The following ZNF385B variants were observed in gnomAD, a reference collection of about 807,000 sequenced individuals.
ZNF385B encodes zinc finger protein 385B, also known as zinc finger protein 533.
A neutral mutation model predicts 39.2 loss-of-function variants in ZNF385B; 23 were observed. The observed-to-expected ratio is 0.59, with a 90% CI of 0.42 to 0.83. The LOEUF is 0.83. Ranked by LOEUF, ZNF385B falls within the 40% of genes least tolerant of loss-of-function variation. ZNF385B has a pLI of 0.00. For synonymous variants in ZNF385B, 205 were observed against 222.6 expected (o/e 0.92, Z 0.70); for missense variants, 552 against 598.9 (o/e 0.92, Z 0.82).
At chr2:179,851,491 T>C (rs1437727702) in intron 1 of ZNF385B, among the ~76,000 whole-genome samples, 1 of 152,182 alleles carries the variant, frequency 6.6e-6, no homozygotes, top group Non-Finnish European at 1.5e-5. Flanking sequence ...CTATGAGGGC[T>C]GAATCAGGCT....
intron 6 of ZNF385B, among the ~76,000 whole-genome samples, chr2:179,461,744 A>G (rs2051365098): frequency 6.6e-6 from 1 of 152,206 alleles, no homozygotes; most frequent in Non-Finnish European, 1.5e-5. Context: ...ACACTGTAAA[A>G]GTGAAGTGAG....
chr2:179,842,877 G>A (rs142106482), intron 1 of ZNF385B, among the ~76,000 whole-genome samples: 3 of 152,266 alleles, frequency 2.0e-5, no homozygotes, highest in Non-Finnish European at 4.4e-5. Context: ...GCTTGGATTT[G>A]CATTCTTAAA....
chr2:179,563,230 T>G (rs1684145907), intron 3 of ZNF385B, among the ~76,000 whole-genome samples: 1 of 152,220 alleles, frequency 6.6e-6, no homozygotes, highest in Non-Finnish European at 1.5e-5. Context: ...AATTTAACTT[T>G]GCATCTAGTG....
chr2:179,489,143 C>G (rs775514868), intron 5 of ZNF385B, among the ~76,000 whole-genome samples: 9 of 152,152 alleles, frequency 5.9e-5, no homozygotes, highest in Non-Finnish European at 1.2e-4. Context: ...AAGGGCCGGG[C>G]TCCGAAGTGG....
In ZNF385B at chr2:179,714,182, G is replaced by A. The variant is rs77064772; in HGVS notation, c.298+55321C>T. On this transcript the variant is annotated intron_variant, in intron 3 of 9. Transcript: ENST00000410066. ...ATAGGAAGGACCATGGAAAAAGTAA[G>A]GGGCTGGAATAATACCACTACAAAT... Among the ~76,000 whole-genome samples the A allele has an allele frequency of 5.4e-3, 820 of 152,254 alleles. 9 individuals carry two copies. Among genetic ancestry groups the A allele is most frequent in the African/African-American group, 0.019 (783 of 41,548 alleles).
At chr2:179,455,766 C>T (rs1490977610) in intron 6 of ZNF385B, among the ~76,000 whole-genome samples, 5 of 151,768 alleles carry the variant, frequency 3.3e-5, no homozygotes, top group African/African-American at 1.2e-4. Context: ...TTGGCGCATG[C>T]CTGTAATCCC....
At chr2:179,528,918 C>G (rs1245386439) in intron 4 of ZNF385B, among the ~76,000 whole-genome samples, 1 of 152,156 alleles carries the variant, frequency 6.6e-6, no homozygotes, top group Non-Finnish European at 1.5e-5. Context: ...TGTAGTTATG[C>G]TGCTGGGTAA....
chr2:179,833,335 T>C (rs1708080461), intron 1 of ZNF385B, among the ~76,000 whole-genome samples: 1 of 152,100 alleles, frequency 6.6e-6, no homozygotes, highest in Admixed American at 6.5e-5. Flanking sequence ...AAATAAGATG[T>C]GGTAGCTAGA....
Position 179,783,467 on chromosome 2 carries a change from C to G in ZNF385B, c.-154-12795G>C, listed in dbSNP as rs565600257. Reference sequence around the variant, plus strand: ...ACATCAAAAGCAATCACAACAAAAACAAAAATTGCCAAGTGGGATCTAATT... The same window carrying G: ...ACATCAAAAGCAATCACAACAAAAAGAAAAATTGCCAAGTGGGATCTAATT... On this transcript the variant is annotated intron_variant, in intron 1 of 9. Transcript: ENST00000410066. Among the ~76,000 whole-genome samples the G allele has an allele frequency of 3.3e-5, 5 of 152,192 alleles. No homozygotes were observed. The South Asian group carries it at 1.0e-3, about 32-fold the overall frequency.
intron 5 of ZNF385B, among the ~76,000 whole-genome samples, chr2:179,484,032 GA>G (rs1382166055): frequency 6.6e-6 from 1 of 152,054 alleles, no homozygotes; most frequent in Non-Finnish European, 1.5e-5. Flanking sequence ...AAGGAGGTAG[GA>G]AAAAACCCTT....
At chr2:179,563,666 G>T (rs979547279) in intron 3 of ZNF385B, among the ~76,000 whole-genome samples, 2 of 152,066 alleles carry the variant, frequency 1.3e-5, no homozygotes, top group Non-Finnish European at 1.5e-5. Context: ...AATCATCTAA[G>T]TTATGAATAA....
intron 1 of ZNF385B, among the ~76,000 whole-genome samples, chr2:179,857,358 C>G (rs1048245198): frequency 6.6e-6 from 1 of 152,152 alleles, no homozygotes; most frequent in Non-Finnish European, 1.5e-5. Context: ...ACATATATAT[C>G]AGGAAGACAC....
chr2:179,637,608 C>A (rs1037720113), intron 3 of ZNF385B, among the ~76,000 whole-genome samples: 2 of 151,706 alleles, frequency 1.3e-5, no homozygotes, highest in Non-Finnish European at 2.9e-5. Context: ...TTGGGACTTA[C>A]TATTCATCAA....
At chr2:179,656,164 T>C (rs545792290) in intron 3 of ZNF385B, among the ~76,000 whole-genome samples, 17 of 152,300 alleles carry the variant, frequency 1.1e-4, no homozygotes, top group African/African-American at 4.1e-4. Context: ...TTTTCTATAG[T>C]AAGTTTTAAA....
intron 4 of ZNF385B, among the ~76,000 whole-genome samples, chr2:179,541,977 C>T (rs2059946346): frequency 6.6e-6 from 1 of 152,104 alleles, no homozygotes; most frequent in Admixed American, 6.5e-5. Context: ...TTCCTCTAGA[C>T]AATAAGAGTA....
intron 5 of ZNF385B, among the ~76,000 whole-genome samples, chr2:179,500,893 A>G (rs1231089321): frequency 6.6e-6 from 1 of 152,212 alleles, no homozygotes; most frequent in Admixed American, 6.5e-5. Flanking sequence ...ACAACTCTAT[A>G]GGAAGAAATC....
chr2:179,525,791 T>C (rs974228202), intron 4 of ZNF385B, among the ~76,000 whole-genome samples: 7 of 152,184 alleles, frequency 4.6e-5, no homozygotes, highest in Admixed American at 4.6e-4. Context: ...TGAAAGAACA[T>C]GTTTAAGTGA....
intron 3 of ZNF385B, among the ~76,000 whole-genome samples, chr2:179,649,084 C>G (rs924288976): frequency 6.6e-6 from 1 of 152,072 alleles, no homozygotes; most frequent in Non-Finnish European, 1.5e-5. Context: ...AGGAATATAG[C>G]ATCATTTTCA....
intron 4 of ZNF385B, among the ~76,000 whole-genome samples, chr2:179,523,589 A>G (rs1413396895): frequency 2.0e-5 from 3 of 152,134 alleles, no homozygotes; most frequent in Admixed American, 6.5e-5. Context: ...ATTCTGCTAC[A>G]TGGGACTTTA....
Sources: gnomAD v4.1 joint callset for allele counts (sites outside exome capture counted in the v4.1 genomes callset) on GRCh38, gnomAD v4.1.1 for gene constraint, MANE v1.5 for transcripts, NCBI Gene and HGNC (gene_info 2026-07-23, HGNC 2026-07-21) for gene names.